Variants in CDK5RAP1 observed in about 807,000 individuals in gnomAD.
CDK5RAP1 encodes mitochondrial tRNA methylthiotransferase CDK5RAP1.
CDK5RAP1 carries 62 observed loss-of-function variants against 64.5 expected under a neutral mutation model. The observed-to-expected ratio is 0.96, with a 90% confidence interval of 0.78 to 1.19. The LOEUF (loss-of-function observed/expected upper bound fraction) is 1.19, where lower values mean the gene tolerates loss of function less well. Ranked by LOEUF, CDK5RAP1 falls within the 50% of genes most tolerant of loss-of-function variation. CDK5RAP1 has a pLI of 0.00. For missense variants in CDK5RAP1, 657 were observed against 735.0 expected, an observed-to-expected ratio of 0.89 and a Z score of 1.23; for synonymous variants, 250 against 261.9, an observed-to-expected ratio of 0.95 and a Z score of 0.44.
intron 1 of CDK5RAP1, among the ~76,000 whole-genome samples, chr20:33,397,287 A>G (rs1168976983): frequency 6.6e-6 from 1 of 152,236 alleles, no homozygotes; most frequent in African/African-American, 2.4e-5. Flanking sequence ...CAGAGATGAG[A>G]TGCAAATCCA....
chr20:33,365,189 C>T (rs1337922069), intron 12 of CDK5RAP1, among the ~76,000 whole-genome samples: 2 of 152,290 alleles, frequency 1.3e-5, no homozygotes, highest in Middle Eastern at 3.4e-3. Flanking sequence ...AGCCACCATG[C>T]CCAGCAGTAT....
chr20:33,381,288 A>T (rs1385361057), intron 7 of CDK5RAP1, among the ~76,000 whole-genome samples: 1 of 152,174 alleles, frequency 6.6e-6, no homozygotes, highest in African/African-American at 2.4e-5. Flanking sequence ...TTTAGTATAT[A>T]TTTCTTAAAA....
chr20:33,393,924 T>C, intron 4 of CDK5RAP1, 108 bp downstream of exon 4: 2 of 800,054 alleles, frequency 2.5e-6, no homozygotes, highest in Non-Finnish European at 4.5e-6. Context: ...CAAGTCCTAC[T>C]GCCATGGGGC....
At chr20:33,392,861 T>C (rs529323898) in intron 4 of CDK5RAP1, among the ~76,000 whole-genome samples, 29 of 151,792 alleles carry the variant, frequency 1.9e-4, no homozygotes, top group Admixed American at 3.9e-4. Context: ...TTAACTAGAT[T>C]TTTCCCTATA....
At chr20:33,364,220 G>A (rs569763353) in intron 12 of CDK5RAP1, among the ~76,000 whole-genome samples, 10 of 136,232 alleles carry the variant, frequency 7.3e-5, no homozygotes, top group East Asian at 4.2e-4. Context: ...ATGGAGTCTC[G>A]CTGTGTGACC....
intron 5 of CDK5RAP1, among the ~76,000 whole-genome samples, chr20:33,388,799 A>AT (rs1315840344): frequency 2.0e-5 from 3 of 151,686 alleles, no homozygotes; most frequent in Admixed American, 2.0e-4. Context: ...TGGTTTTCGT[A>AT]TTTTTTTGGT....
At chr20:33,371,730 C>T (rs1985044272) in intron 10 of CDK5RAP1, among the ~76,000 whole-genome samples, 1 of 152,026 alleles carries the variant, frequency 6.6e-6, no homozygotes, top group African/African-American at 2.4e-5. Context: ...CTGCAGTGAG[C>T]CGAGATTGCG....
Position 33,358,869 on chromosome 20 carries a change from G to GT in CDK5RAP1, c.*173dup. On this transcript the variant is annotated 3_prime_UTR_variant, in exon 14 of 14. Transcript: ENST00000346416. ...CTTAGTTTAGGTAAATTTAATGACT[G>GT]TAAAAGCTGTTCACATAGCAGCTTT... The GT allele has an allele frequency of 1.7e-6, 1 of 585,364 alleles. No individual in the cohort carries two copies. Among genetic ancestry groups the GT allele is most frequent in the East Asian group, 2.8e-5 (1 of 35,666 alleles). 36.3% of individuals were successfully genotyped at this position (585,364 alleles called of 1,614,324 possible). A position where few individuals can be genotyped will look rare whatever the true frequency, so the allele number is the denominator to read the frequency against.
chr20:33,367,075 C>T, intron 11 of CDK5RAP1, 67 bp from the exon 12 acceptor site: 4 of 1,476,398 alleles, frequency 2.7e-6, no homozygotes, highest in Non-Finnish European at 2.8e-6. Flanking sequence ...ATTCTTAATG[C>T]ACAGAGGGCG....
In CDK5RAP1 at chr20:33,392,189, T is replaced by A; in HGVS notation, c.497A>T (p.Lys166Met). 1.2e-6 allele frequency: 2 copies of A among 1,613,952 alleles called. No homozygotes were observed. Among genetic ancestry groups the A allele is most frequent in the Non-Finnish European group, 1.7e-6 (2 of 1,179,840 alleles). ...AACCCGGGAGCGGGGCCGCCTTGTC[T>A]TCAAGGCTTTAAGCTGATGTAAACG... Reference protein sequence around the residue: ...WNRLHQLKALKTRRPRSRVPL... With the variant: ...WNRLHQLKALMTRRPRSRVPL... The change falls in exon 5 of 14, where the codon AAG becomes ATG. Residue 166 changes from lysine to methionine, a missense_variant. Lys to Met is a moderately conservative substitution (Grantham distance 95). Coordinates refer to ENST00000346416, the MANE Select transcript of CDK5RAP1 (RefSeq NM_016408.4).
intron 8 of CDK5RAP1, among the ~76,000 whole-genome samples, chr20:33,375,285 C>CCAGCTACT (rs1249679226): frequency 1.3e-5 from 2 of 151,028 alleles, no homozygotes; most frequent in African/African-American, 4.9e-5. Flanking sequence ...ACCTGTAATC[C>CCAGCTACT]CAGCTACTCA....
At chr20:33,386,884 G>C (rs1251561531) in intron 6 of CDK5RAP1, among the ~76,000 whole-genome samples, 1 of 151,888 alleles carries the variant, frequency 6.6e-6, no homozygotes, top group East Asian at 1.9e-4. Context: ...GAGGCAATAT[G>C]TGAATAAATG....
chr20:33,384,570 C>A (rs934458608), intron 7 of CDK5RAP1, among the ~76,000 whole-genome samples: 7 of 151,996 alleles, frequency 4.6e-5, no homozygotes, highest in Non-Finnish European at 5.9e-5. Context: ...GACAGCACTG[C>A]CAGAATGTGA....
At chr20:33,385,595 A>G in intron 7 of CDK5RAP1, 55 bp downstream of exon 7, 30 of 1,566,592 alleles carry the variant, frequency 1.9e-5, no homozygotes, top group Non-Finnish European at 2.5e-5. Flanking sequence ...TACAAAGGTT[A>G]TCCTCATCCT....
chr20:33,382,501 T>G (rs1986882135), intron 7 of CDK5RAP1, among the ~76,000 whole-genome samples: 1 of 151,796 alleles, frequency 6.6e-6, no homozygotes, highest in Non-Finnish European at 1.5e-5. Context: ...CCCAACATGG[T>G]GAAACCCCGT....
At chr20:33,376,588 T>C (rs533736286) in intron 8 of CDK5RAP1, among the ~76,000 whole-genome samples, 2 of 152,334 alleles carry the variant, frequency 1.3e-5, no homozygotes, top group East Asian at 3.9e-4. Context: ...AAGGAGATTA[T>C]TAGTGTCGTT....
At chr20:33,366,260 A>G (rs1983921880) in intron 12 of CDK5RAP1, among the ~76,000 whole-genome samples, 1 of 148,094 alleles carries the variant, frequency 6.8e-6, no homozygotes. Flanking sequence ...CAGAGGTTGC[A>G]GTAAGCCAAG....
intron 5 of CDK5RAP1, among the ~76,000 whole-genome samples, chr20:33,388,881 C>A (rs1244068099): frequency 3.3e-5 from 5 of 152,148 alleles, no homozygotes; most frequent in Non-Finnish European, 7.3e-5. Context: ...CCAGCCTCGG[C>A]CTCCTGAGGT....
intron 5 of CDK5RAP1, among the ~76,000 whole-genome samples, chr20:33,390,108 T>C (rs2146701338): frequency 6.6e-6 from 1 of 151,626 alleles, no homozygotes; most frequent in Non-Finnish European, 1.5e-5. Context: ...GAGACCCACA[T>C]CTCTACAAAA....
Sources: gnomAD v4.1 joint callset for allele counts (sites outside exome capture counted in the v4.1 genomes callset) on GRCh38, gnomAD v4.1.1 for gene constraint, MANE v1.5 for transcripts, NCBI Gene and HGNC (gene_info 2026-07-23, HGNC 2026-07-21) for gene names.